AVEN: variants seen among roughly 807,000 people sequenced by gnomAD.
AVEN encodes cell death regulator Aven.
AVEN carries 41 observed loss-of-function variants against 38.1 expected under a neutral mutation model. The observed-to-expected ratio is 1.08, with a 90% CI of 0.84 to 1.40. AVEN has a LOEUF of 1.40. Among genes scored for constraint, AVEN ranks in the 40% most tolerant of loss-of-function variants. The pLI, the probability that AVEN is intolerant of heterozygous loss-of-function variation, is 0.00. For missense variants in AVEN, 605 were observed against 438.8 expected, an observed-to-expected ratio of 1.38 and a Z score of -3.38; for synonymous variants, 206 against 171.8, an observed-to-expected ratio of 1.20 and a Z score of -1.56.
intron 4 of AVEN, among the ~76,000 whole-genome samples, chr15:33,870,626 T>C (rs895065286): frequency 3.9e-5 from 6 of 152,240 alleles, no homozygotes; most frequent in Non-Finnish European, 7.3e-5. Flanking sequence ...TTCACCACTG[T>C]GTCCCTAGTG....
chr15:33,887,214 C>T (rs1178573632), intron 2 of AVEN, among the ~76,000 whole-genome samples: 2 of 152,048 alleles, frequency 1.3e-5, no homozygotes, highest in African/African-American at 4.8e-5. Context: ...GAAGCAAATA[C>T]TCTCTGTGAC....
intron 3 of AVEN, chr15:34,066,212 GC>G (rs1249831237): frequency 6.6e-6 from 1 of 152,256 alleles, no homozygotes; most frequent in Non-Finnish European, 1.5e-5. Context: ...CAGCACAGAG[GC>G]TTTCGGGCCT....
chr15:33,888,681 ATATT>A (rs201837831), intron 2 of AVEN, among the ~76,000 whole-genome samples: 4,963 of 152,222 alleles, frequency 0.033, 154 homozygotes, highest in Non-Finnish European at 0.039. Context: ...AATATATTTA[ATATT>A]TATTTATATC....
intron 2 of AVEN, among the ~76,000 whole-genome samples, chr15:33,951,657 C>T (rs1446691853): frequency 6.6e-6 from 1 of 151,998 alleles, no homozygotes; most frequent in Non-Finnish European, 1.5e-5. Flanking sequence ...TATACCTTAG[C>T]CCACACTCTT....
intron 1 of AVEN, among the ~76,000 whole-genome samples, chr15:34,027,463 A>G (rs1898536261): frequency 6.7e-6 from 1 of 150,008 alleles, no homozygotes; most frequent in African/African-American, 2.4e-5. Context: ...CGGAAGGCAG[A>G]GGTTGCAGTG....
rs138964129 is a variant in AVEN at position 33,868,923 on chromosome 15, G to C, written c.613-1068C>G. On this transcript the variant is annotated intron_variant, in intron 4 of 5. Transcript: ENST00000306730. ...AAAGTTACAAACTCCCCCGGTGATT[G>C]TAATACAAGGTTATAATCTAAGGCT... Among the ~76,000 whole-genome samples the C allele has an allele frequency of 4.8e-3, 735 of 152,272 alleles. 8 individuals carry two copies. The highest frequency in any genetic ancestry group is 0.017 in the African/African-American group (710 of 41,542).
At chr15:33,918,701 C>G (rs112420239) in intron 2 of AVEN, among the ~76,000 whole-genome samples, 1 of 151,844 alleles carries the variant, frequency 6.6e-6, no homozygotes, top group Non-Finnish European at 1.5e-5. Flanking sequence ...GTGATCTGCC[C>G]GCCTCAGCCT....
chr15:33,883,668 T>G (rs576790040), intron 2 of AVEN: 1 of 152,324 alleles, frequency 6.6e-6, no homozygotes, highest in East Asian at 1.9e-4. Flanking sequence ...TTAAAATGAT[T>G]ATCTCTCAGA....
chr15:34,061,534 T>C (rs147075599), intron 5 of AVEN, among the ~76,000 whole-genome samples: 1 of 152,350 alleles, frequency 6.6e-6, no homozygotes, highest in Admixed American at 6.5e-5. Context: ...TATTTATTAG[T>C]ATATGCATAT....
chr15:34,020,498 C>A (rs1418251887), intron 1 of AVEN, among the ~76,000 whole-genome samples: 1 of 152,084 alleles, frequency 6.6e-6, no homozygotes, highest in Non-Finnish European at 1.5e-5. Flanking sequence ...CCTCTAAGCA[C>A]CTATCCTTGT....
chr15:34,025,406 C>T (rs1368517145), intron 1 of AVEN, among the ~76,000 whole-genome samples: 3 of 152,252 alleles, frequency 2.0e-5, no homozygotes, highest in East Asian at 1.9e-4. Context: ...CAGCTGAGAA[C>T]CCAGCCACAG....
chr15:34,004,277 A>C (rs681873), intron 1 of AVEN, among the ~76,000 whole-genome samples: 151,213 of 152,320 alleles, frequency 0.99, 75,066 homozygotes, highest in Middle Eastern at 1. Context: ...AGTTTCCAGT[A>C]TTGGGCACTG....
chr15:33,852,255 C>T, the AVEN span: 5 of 152,124 alleles, frequency 3.3e-5, no homozygotes, highest in African/African-American at 1.2e-4. Context: ...AACCCCCCCA[C>T]AGGAAGGATT....
chr15:33,960,865 C>A (rs988508636), intron 2 of AVEN, among the ~76,000 whole-genome samples: 8 of 152,210 alleles, frequency 5.3e-5, no homozygotes, highest in African/African-American at 1.9e-4. Flanking sequence ...TAGAACAATG[C>A]ACATGTTTTA....
intron 11 of AVEN, chr15:33,860,934 A>G (rs1887970219): frequency 1.7e-6 from 1 of 587,886 alleles, no homozygotes; most frequent in Non-Finnish European, 2.8e-6. Context: ...TAGCCAATGT[A>G]TGGCACTACT....
At chr15:33,918,779 C>T (rs574035063) in intron 2 of AVEN, among the ~76,000 whole-genome samples, 14 of 151,980 alleles carry the variant, frequency 9.2e-5, no homozygotes, top group African/African-American at 3.1e-4. Flanking sequence ...TGTAATTAAA[C>T]TTTTTCTTCT....
At chr15:34,009,152 C>T (rs1171269882) in intron 1 of AVEN, among the ~76,000 whole-genome samples, 1 of 152,010 alleles carries the variant, frequency 6.6e-6, no homozygotes, top group Non-Finnish European at 1.5e-5. Context: ...AAGAATCCTA[C>T]ATACAAAAAA....
chr15:33,887,445 G>A (rs576857685), intron 2 of AVEN, among the ~76,000 whole-genome samples: 25 of 152,298 alleles, frequency 1.6e-4, no homozygotes, highest in African/African-American at 6.0e-4. Context: ...CCAGCAGAAT[G>A]TAACAGCTTT....
At chr15:34,069,347 G>A (rs1410437233) in intron 2 of AVEN, among the ~76,000 whole-genome samples, 3 of 152,154 alleles carry the variant, frequency 2.0e-5, no homozygotes, top group Non-Finnish European at 4.4e-5. Flanking sequence ...TTGAACCTGG[G>A]AGGCTGAGGC....
Sources: allele counts gnomAD v4.1 joint callset (sites outside exome capture counted in the v4.1 genomes callset), GRCh38; gene constraint gnomAD v4.1.1; transcripts MANE v1.5; gene names NCBI Gene and HGNC (gene_info 2026-07-23, HGNC 2026-07-21).